The following KCNK17 variants were observed in gnomAD, a reference collection of about 807,000 sequenced individuals.
The protein encoded by KCNK17 is potassium two pore domain channel subfamily K member 17.
A neutral mutation model predicts 24.6 loss-of-function variants in KCNK17; 27 were observed. The observed-to-expected ratio is 1.10, with a 90% CI of 0.81 to 1.51. The LOEUF is 1.51. Among genes scored for constraint, KCNK17 ranks in the 40% most tolerant of loss-of-function variants. The probability of loss-of-function intolerance (pLI) is 0.00; values close to 1 mark genes in which losing one functional copy is unlikely to be tolerated. For synonymous variants in KCNK17, 181 were observed against 189.8 expected (o/e 0.95, Z 0.38); for missense variants, 450 against 436.6 (o/e 1.03, Z -0.27).
chr6:39,301,397 G>T (rs1456098785), intron 4 of KCNK17, among the ~76,000 whole-genome samples: 4 of 152,210 alleles, frequency 2.6e-5, no homozygotes, highest in Non-Finnish European at 5.9e-5. Flanking sequence ...CCCCAAGGCT[G>T]GGCCCCTCTC....
chr6:39,300,014 C>T (rs1295411835), intron 4 of KCNK17, among the ~76,000 whole-genome samples: 3 of 152,200 alleles, frequency 2.0e-5, no homozygotes, highest in South Asian at 2.1e-4. Flanking sequence ...TCCCTGGGGC[C>T]GGCAGCATCA....
intron 1 of KCNK17, 133 bp from the exon 2 acceptor site, chr6:39,311,140 C>A: frequency 3.4e-6 from 2 of 584,088 alleles, no homozygotes; most frequent in African/African-American, 1.9e-5. Flanking sequence ...ACACACACAG[C>A]CCTCACAATT....
At chr6:39,307,220 G>A (rs1169085282) in intron 2 of KCNK17, among the ~76,000 whole-genome samples, 1 of 152,186 alleles carries the variant, frequency 6.6e-6, no homozygotes, top group Non-Finnish European at 1.5e-5. Context: ...CACTGTAGAA[G>A]GGAATGTGAG....
chr6:39,309,061 C>A (rs138982483), intron 2 of KCNK17, among the ~76,000 whole-genome samples: 5 of 152,208 alleles, frequency 3.3e-5, no homozygotes, highest in Non-Finnish European at 7.3e-5. Context: ...CACAGTGGCT[C>A]ACACCTGTAA....
Position 39,314,236 on chromosome 6 carries a change from A to G in KCNK17, c.85T>C (p.Tyr29His), listed in dbSNP as rs564264745. 2 of 1,537,806 alleles carry G rather than the reference A, an allele frequency of 1.3e-6. No homozygotes were observed. Among genetic ancestry groups the G allele is most frequent in the Admixed American group, 2.0e-5 (1 of 51,066 alleles). The change falls in exon 1 of 5, where the codon TAC becomes CAC. Residue 29 changes from tyrosine to histidine, a missense_variant. Transcript: ENST00000373231. ...GTGCCCAGCGCCAGGTAAGCCAGGTAGGCGAGCAGCAGGAGCACGGTGCTG... is the reference window on the plus strand; with the variant it reads ...GTGCCCAGCGCCAGGTAAGCCAGGTGGGCGAGCAGCAGGAGCACGGTGCTG... The part of the protein sequence containing the change: ...VPSTVLLLLA[Y>H]LAYLALGTGV...
chr6:39,299,390 T>C lies in KCNK17; in HGVS notation c.*37A>G. ...TGTGCAAAGCTTAAAATCAGGGGTC[T>C]TGCTACCGAGGACGACGACCAAAGA... is the stretch of plus-strand genomic sequence containing the variant. On this transcript the variant is annotated 3_prime_UTR_variant, in exon 5 of 5. Coordinates refer to ENST00000373231, the MANE Select transcript of KCNK17 (RefSeq NM_031460.4). The C allele has an allele frequency of 6.5e-7, 1 of 1,526,904 alleles. No individual in the cohort carries two copies. The highest frequency in any genetic ancestry group is 9.0e-7 in the Non-Finnish European group (1 of 1,114,218). The allele number at this position is 1,526,904 out of a possible 1,614,324, so 94.6% of individuals were successfully genotyped here.
At position 39,311,218 on chromosome 6, in the gene KCNK17, G is replaced by A. The variant is rs963252615; in HGVS notation, c.238-211C>T. On this transcript the variant is annotated intron_variant, in intron 1 of 4. Transcript: ENST00000373231. ...TCTCACCAAGGGCTCACCAGGTACA[G>A]CTACTGACAGCTACCATGGGGACAG... Among the ~76,000 whole-genome samples, 4 of 151,974 alleles carry A rather than the reference G, an allele frequency of 2.6e-5. No individual in the cohort carries two copies. In the East Asian group the frequency reaches 7.7e-4, roughly 29 times the overall value.
At chr6:39,300,230 C>T in intron 4 of KCNK17, 1 of 521,752 alleles carries the variant, frequency 1.9e-6, no homozygotes, top group Non-Finnish European at 3.5e-6. Context: ...TCAAGCGATT[C>T]TCCTGCCTCA....
chr6:39,305,604 C>T lies in KCNK17; in HGVS notation c.353-949G>A, dbSNP rs992460183. 7.9e-5 allele frequency among the ~76,000 whole-genome samples: 12 copies of T among 152,284 alleles called. No individual in the cohort carries two copies. In the South Asian group the frequency reaches 2.3e-3, roughly 29 times the overall value. ...GACATTCTTTTCTCCTCCAGCTCTG[C>T]CTCCACCCTTCTTGATCACCACCAC... is the stretch of plus-strand genomic sequence containing the variant. On this transcript the variant is annotated intron_variant, in intron 2 of 4. Coordinates refer to ENST00000373231, the MANE Select transcript of KCNK17 (RefSeq NM_031460.4).
At position 39,314,395 on chromosome 6, in the gene KCNK17, C is replaced by A; in HGVS notation, c.-75G>T. ...TGGGAGGGAAGGGCCAGGCGTCCAG[C>A]TCGTATCTCCTCTCGCAAACGCCTG... On this transcript the variant is annotated 5_prime_UTR_variant, in exon 1 of 5. Coordinates refer to ENST00000373231, the MANE Select transcript of KCNK17 (RefSeq NM_031460.4). 1 of 1,067,332 alleles carries A rather than the reference C, an allele frequency of 9.4e-7. No individual in the cohort carries two copies. The highest frequency in any genetic ancestry group is 1.3e-6 in the Non-Finnish European group (1 of 785,416). 66.1% of individuals were successfully genotyped at this position (1,067,332 alleles called of 1,614,324 possible).
At chr6:39,311,990 C>T (rs1055430399) in intron 1 of KCNK17, among the ~76,000 whole-genome samples, 5 of 152,162 alleles carry the variant, frequency 3.3e-5, no homozygotes, top group African/African-American at 1.2e-4. Flanking sequence ...TGCTCTGTGG[C>T]AGCTGGCAGT....
intron 3 of KCNK17, 73 bp downstream of exon 3, chr6:39,304,422 G>A: frequency 1.5e-6 from 2 of 1,359,738 alleles, no homozygotes; most frequent in Non-Finnish European, 2.1e-6. Flanking sequence ...CTTGTCATTA[G>A]TAACCCCAAT....
chr6:39,306,658 G>A (rs1423304138), intron 2 of KCNK17, among the ~76,000 whole-genome samples: 1 of 152,048 alleles, frequency 6.6e-6, no homozygotes, highest in Non-Finnish European at 1.5e-5. Context: ...CTATGTACAA[G>A]TACAGAGCAT....
chr6:39,303,750 G>T (rs1253127922), intron 4 of KCNK17, among the ~76,000 whole-genome samples: 1 of 152,216 alleles, frequency 6.6e-6, no homozygotes, highest in African/African-American at 2.4e-5. Flanking sequence ...CCGCGGACGT[G>T]TTGGACCTCT....
rs1198914608 is a variant in KCNK17, at chr6:39,300,226, G to A, written c.689-489C>T. On this transcript the variant is annotated intron_variant, in intron 4 of 4. Transcript: ENST00000373231. ...CAACCTCCGCCTCCTGGGTTCAAGCGATTCTCCTGCCTCAGCCTCCCGAGT... is the reference window on the plus strand; with the variant it reads ...CAACCTCCGCCTCCTGGGTTCAAGCAATTCTCCTGCCTCAGCCTCCCGAGT... The A allele has an allele frequency of 1.4e-5, 7 of 513,284 alleles. No individual in the cohort carries two copies. In the East Asian group the frequency reaches 1.8e-4, roughly 13 times the overall value. The allele number at this position is 513,284 out of a possible 1,614,324, so 31.8% of individuals were successfully genotyped here.
At chr6:39,311,034 A>G in intron 1 of KCNK17, 27 bp from the exon 2 acceptor site, 5 of 1,456,792 alleles carry the variant, frequency 3.4e-6, no homozygotes, top group Non-Finnish European at 4.8e-6. Context: ...AATGACCACC[A>G]GGCTCTGTGG....
At chr6:39,307,941 G>C (rs528759378) in intron 2 of KCNK17, among the ~76,000 whole-genome samples, 2 of 152,302 alleles carry the variant, frequency 1.3e-5, no homozygotes, top group African/African-American at 4.8e-5. Context: ...CTTGCTGGCA[G>C]AGGATTCTCT....
At chr6:39,301,412 ACCC>A (rs1430613936) in intron 4 of KCNK17, among the ~76,000 whole-genome samples, 1 of 152,150 alleles carries the variant, frequency 6.6e-6, no homozygotes, top group East Asian at 1.9e-4. Context: ...CCTCTCTAGG[ACCC>A]CCACATGGGG....
At chr6:39,303,329 A>G (rs1761975048) in intron 4 of KCNK17, among the ~76,000 whole-genome samples, 1 of 152,070 alleles carries the variant, frequency 6.6e-6, no homozygotes, top group African/African-American at 2.4e-5. Context: ...GGGCGCAGCC[A>G]CTCCGCCACG....
Sources: allele counts gnomAD v4.1 joint callset (sites outside exome capture counted in the v4.1 genomes callset), GRCh38; gene constraint gnomAD v4.1.1; transcripts MANE v1.5; gene names NCBI Gene and HGNC (gene_info 2026-07-23, HGNC 2026-07-21).